Variants in HECW2 observed in about 807,000 individuals in gnomAD.
The protein encoded by HECW2 is HECT, C2 and WW domain containing E3 ubiquitin protein ligase 2.
In HECW2, 61 loss-of-function variants were observed where a neutral mutation model predicts 175.2. That is an observed-to-expected ratio of 0.35 (90% CI 0.28 to 0.43). HECW2 has a LOEUF of 0.43. Among genes scored for constraint, HECW2 ranks in the 20% least tolerant of loss-of-function variants. The probability of loss-of-function intolerance (pLI) is 1.00; values close to 1 mark genes in which losing one functional copy is unlikely to be tolerated. For synonymous variants in HECW2, 671 were observed against 731.0 expected (o/e 0.92, Z 1.32); for missense variants, 1,524 against 2,000.5 (o/e 0.76, Z 4.54).
intron 1 of HECW2, among the ~76,000 whole-genome samples, chr2:196,562,889 A>T (rs553223893): frequency 5.3e-5 from 8 of 152,180 alleles, no homozygotes; most frequent in African/African-American, 1.4e-4. Context: ...ACAAAAAATT[A>T]AAAAATTAGC....
At chr2:196,319,974 C>T (rs1370989255) in intron 8 of HECW2, 70 bp from the exon 9 acceptor site, 5 of 1,416,992 alleles carry the variant, frequency 3.5e-6, no homozygotes, top group Non-Finnish European at 3.8e-6. Context: ...GACTTATTTG[C>T]TTTGCCACCA....
In HECW2 at chr2:196,338,396, C is replaced by T. The variant is rs1355553825; in HGVS notation, c.401-3878G>A. On this transcript the variant is annotated intron_variant, in intron 3 of 28. Transcript: ENST00000644978. ...GCAATTGGACATGAAGCTGGGGAGA[C>T]GTTTACTTTCAATTTTTATACTTTT... Among the ~76,000 whole-genome samples the T allele has an allele frequency of 3.9e-5, 6 of 152,222 alleles. No individual in the cohort carries two copies. The East Asian group carries it at 5.8e-4, about 15-fold the overall frequency.
chr2:196,226,159 G>A (rs894297952), intron 22 of HECW2, among the ~76,000 whole-genome samples: 1 of 151,812 alleles, frequency 6.6e-6, no homozygotes, highest in Non-Finnish European at 1.5e-5. Flanking sequence ...CTTATGGCTT[G>A]GTGCTATCTT....
intron 1 of HECW2, among the ~76,000 whole-genome samples, chr2:196,560,371 C>G (rs1689955904): frequency 6.6e-6 from 1 of 152,134 alleles, no homozygotes; most frequent in Non-Finnish European, 1.5e-5. Flanking sequence ...GTCTCAAACT[C>G]CTGACCTCAG....
In HECW2 at chr2:196,488,826, C is replaced by T. The variant is rs145226956; in HGVS notation, c.-35-55368G>A. 5.9e-4 allele frequency among the ~76,000 whole-genome samples: 90 copies of T among 152,234 alleles called. No homozygotes were observed. The East Asian group carries it at 9.2e-3, about 16-fold the overall frequency. On this transcript the variant is annotated intron_variant, in intron 1 of 28. Coordinates refer to ENST00000644978, the MANE Select transcript of HECW2 (RefSeq NM_001348768.2). ...AAGGTCAAAATAGGATCTAGCCTCACACAGGATATTGTAGAAACTAAATGA... is the reference window on the plus strand; with the variant it reads ...AAGGTCAAAATAGGATCTAGCCTCATACAGGATATTGTAGAAACTAAATGA...
intron 15 of HECW2, among the ~76,000 whole-genome samples, chr2:196,278,293 A>G (rs1369654563): frequency 6.7e-6 from 1 of 148,704 alleles, no homozygotes; most frequent in African/African-American, 2.5e-5. Context: ...GAGTCAAAAA[A>G]TCTTAAATTT....
chr2:196,262,589 G>A (rs1689343051), intron 17 of HECW2, among the ~76,000 whole-genome samples: 1 of 149,464 alleles, frequency 6.7e-6, no homozygotes, highest in South Asian at 2.1e-4. Flanking sequence ...TTTTTGAGAT[G>A]GAGTCTCACT....
intron 1 of HECW2, among the ~76,000 whole-genome samples, chr2:196,519,502 T>C (rs1688269112): frequency 6.6e-6 from 1 of 152,212 alleles, no homozygotes; most frequent in Admixed American, 6.5e-5. Flanking sequence ...TAATATGAAA[T>C]TCTGTAAGAA....
At chr2:196,467,985 C>T (rs1223138004) in intron 1 of HECW2, among the ~76,000 whole-genome samples, 1 of 152,140 alleles carries the variant, frequency 6.6e-6, no homozygotes, top group Non-Finnish European at 1.5e-5. Context: ...AGCCAGTAGC[C>T]GGTAACAACC....
In HECW2 at chr2:196,430,779, G is replaced by A. The variant is rs143462851; in HGVS notation, c.292+2353C>T. 4.3e-3 allele frequency among the ~76,000 whole-genome samples: 655 copies of A among 152,094 alleles called. 6 individuals are homozygous for A. The highest frequency in any genetic ancestry group is 0.015 in the African/African-American group (628 of 41,506). Reference sequence around the variant, plus strand: ...AAAGATGTTGAAGGAAAATGAACGAGAGCCTCGGGGCCTTGCAGAACAACA... The same window carrying A: ...AAAGATGTTGAAGGAAAATGAACGAAAGCCTCGGGGCCTTGCAGAACAACA... On this transcript the variant is annotated intron_variant, in intron 2 of 28. Coordinates refer to ENST00000644978, the MANE Select transcript of HECW2 (RefSeq NM_001348768.2).
At chr2:196,459,193 T>C (rs1350627289) in intron 1 of HECW2, among the ~76,000 whole-genome samples, 1 of 152,194 alleles carries the variant, frequency 6.6e-6, no homozygotes, top group Non-Finnish European at 1.5e-5. Context: ...TCGGATCAGA[T>C]TAGACAGGGA....
In HECW2 at chr2:196,216,530, C is replaced by CAA. The variant is rs11295664; in HGVS notation, c.4494+476_4494+477dup. 5.9e-5 allele frequency among the ~76,000 whole-genome samples: 8 copies of CAA among 136,342 alleles called. No individual in the cohort carries two copies. In the South Asian group the frequency reaches 6.9e-4, roughly 12 times the overall value. The allele number at this position is 136,342 out of a possible 152,430, so 89.4% of individuals were successfully genotyped here. On this transcript the variant is annotated intron_variant, in intron 27 of 28. Coordinates refer to ENST00000644978, the MANE Select transcript of HECW2 (RefSeq NM_001348768.2). ...CCTGGATGACCATAAACACCACACGCAAAAAAAAAAAAAACACAAGTTAGT... is the reference window on the plus strand; with the variant it reads ...CCTGGATGACCATAAACACCACACGCAAAAAAAAAAAAAAAACACAAGTTAGT...
chr2:196,216,957 C>A, intron 27 of HECW2, 51 bp downstream of exon 27: 1 of 1,235,848 alleles, frequency 8.1e-7, no homozygotes, highest in South Asian at 1.5e-5. Flanking sequence ...ACATACACTT[C>A]CAACAATAAT....
chr2:196,374,168 T>C (rs938628946), intron 2 of HECW2, among the ~76,000 whole-genome samples: 2 of 152,138 alleles, frequency 1.3e-5, no homozygotes, highest in Non-Finnish European at 2.9e-5. Flanking sequence ...AAAAGGTAAA[T>C]TGTGGTACAG....
intron 2 of HECW2, among the ~76,000 whole-genome samples, chr2:196,397,717 A>T (rs1479325642): frequency 1.3e-5 from 2 of 152,326 alleles, no homozygotes; most frequent in Middle Eastern, 3.4e-3. Flanking sequence ...AATTGCAACA[A>T]TCTGTTTTCC....
In HECW2 at chr2:196,343,558, C is replaced by T. The variant is rs1692840114; in HGVS notation, c.400+99G>A. ...CATGGCATAAATATGTAAATCCAAA[C>T]CAAAGAATTTCAAAATAACATTCAA... On this transcript the variant is annotated intron_variant, in intron 3 of 28. Transcript: ENST00000644978. 9.1e-6 allele frequency: 7 copies of T among 769,998 alleles called. No individual in the cohort carries two copies. The South Asian group carries it at 1.3e-4, about 14-fold the overall frequency. The allele number at this position is 769,998 out of a possible 1,614,324, so 47.7% of individuals were successfully genotyped here. A position where few individuals can be genotyped will look rare whatever the true frequency, so the allele number is the denominator to read the frequency against.
In HECW2 at chr2:196,458,575, T is replaced by C. The variant is rs934775026; in HGVS notation, c.-35-25117A>G. The stretch of plus-strand genomic sequence containing the variant: ...AAACTGTGAAACCAGATGATAAAGA[T>C]GACAAGTGTAGGCTGGGCGTGGTGG... On this transcript the variant is annotated intron_variant, in intron 1 of 28. Transcript: ENST00000644978. Among the ~76,000 whole-genome samples the C allele has an allele frequency of 1.8e-4, 28 of 152,068 alleles. 1 individual carries two copies. Among genetic ancestry groups the C allele is most frequent in the African/African-American group, 6.3e-4 (26 of 41,416 alleles).
intron 1 of HECW2, among the ~76,000 whole-genome samples, chr2:196,492,270 C>G (rs1449267657): frequency 6.6e-6 from 1 of 152,060 alleles, no homozygotes; most frequent in Non-Finnish European, 1.5e-5. Context: ...ACTTTGTTAC[C>G]CAACAGACAT....
At chr2:196,235,956 C>T (rs141948376) in intron 21 of HECW2, among the ~76,000 whole-genome samples, 165 of 152,026 alleles carry the variant, frequency 1.1e-3, no homozygotes, top group Admixed American at 3.5e-3. Flanking sequence ...TGTGCCCGGC[C>T]GATGCGTTAT....
Sources: allele counts gnomAD v4.1 joint callset (sites outside exome capture counted in the v4.1 genomes callset), GRCh38; gene constraint gnomAD v4.1.1; transcripts MANE v1.5; gene names NCBI Gene and HGNC (gene_info 2026-07-23, HGNC 2026-07-21).